The following ZFHX3 variants were observed in gnomAD, a reference collection of about 807,000 sequenced individuals.
The protein encoded by ZFHX3 is zinc finger homeobox 3.
In ZFHX3, 42 loss-of-function variants were observed where a neutral mutation model predicts 279.1. That is an observed-to-expected ratio of 0.15 (90% CI 0.12 to 0.19). The LOEUF (loss-of-function observed/expected upper bound fraction) is 0.19, where lower values mean the gene tolerates loss of function less well. Among genes scored for constraint, ZFHX3 ranks in the 10% least tolerant of loss-of-function variants. The probability of loss-of-function intolerance (pLI) is 1.00; values close to 1 mark genes in which losing one functional copy is unlikely to be tolerated. For synonymous variants in ZFHX3, 2,293 were observed against 1,957.8 expected (o/e 1.17, Z -4.52); for missense variants, 4,981 against 4,754.0 (o/e 1.05, Z -1.40).
intron 3 of ZFHX3, among the ~76,000 whole-genome samples, chr16:73,361,600 A>T (rs2016434744): frequency 6.6e-6 from 1 of 152,120 alleles, no homozygotes; most frequent in Admixed American, 6.5e-5. Context: ...CTTCATTTTT[A>T]AAAAATAGAA....
At chr16:73,792,906 A>C (rs1959873771) in intron 1 of ZFHX3, among the ~76,000 whole-genome samples, 1 of 148,294 alleles carries the variant, frequency 6.7e-6, no homozygotes, top group African/African-American at 2.5e-5. Context: ...AGATGTAGCA[A>C]CTTCTGTATG....
At chr16:73,443,254 T>C (rs1028085801) in intron 3 of ZFHX3, among the ~76,000 whole-genome samples, 5 of 152,178 alleles carry the variant, frequency 3.3e-5, no homozygotes, top group Admixed American at 6.5e-5. Context: ...GTTTATGACA[T>C]ACTTGTAAAG....
At chr16:72,928,001 G>A (rs139778375) in intron 3 of ZFHX3, among the ~76,000 whole-genome samples, 334 of 148,352 alleles carry the variant, frequency 2.3e-3, no homozygotes, top group African/African-American at 7.4e-3. Context: ...GCTGGGATGC[G>A]CCAGAGGCCT....
chr16:73,780,832 G>A (rs1393469556), intron 1 of ZFHX3, among the ~76,000 whole-genome samples: 3 of 152,180 alleles, frequency 2.0e-5, no homozygotes, highest in Non-Finnish European at 4.4e-5. Flanking sequence ...GTGGATATAT[G>A]TGCAGAGTGC....
At chr16:73,532,293 T>G (rs2143730182) in intron 2 of ZFHX3, among the ~76,000 whole-genome samples, 1 of 152,096 alleles carries the variant, frequency 6.6e-6, no homozygotes, top group African/African-American at 2.4e-5. Flanking sequence ...GACCTGATGG[T>G]TTTATATGGG....
At chr16:72,981,469 T>C (rs1470154108) in intron 1 of ZFHX3, among the ~76,000 whole-genome samples, 2 of 152,252 alleles carry the variant, frequency 1.3e-5, no homozygotes, top group African/African-American at 4.8e-5. Context: ...AAAATATTTT[T>C]AACACTTTCA....
intron 3 of ZFHX3, among the ~76,000 whole-genome samples, chr16:73,435,493 A>AG (rs1223592629): frequency 6.6e-6 from 1 of 152,138 alleles, no homozygotes; most frequent in Non-Finnish European, 1.5e-5. Context: ...TACAGGTGTG[A>AG]GCCACAGCGC....
chr16:72,850,457 G>T (rs2037588204), intron 4 of ZFHX3, among the ~76,000 whole-genome samples: 1 of 152,248 alleles, frequency 6.6e-6, no homozygotes, highest in African/African-American at 2.4e-5. Context: ...CATTTCAACA[G>T]CACTTATATC....
intron 2 of ZFHX3, among the ~76,000 whole-genome samples, chr16:73,535,729 T>TTC (rs2019889193): frequency 6.6e-6 from 1 of 150,968 alleles, no homozygotes; most frequent in African/African-American, 2.4e-5. Flanking sequence ...TATCTTTTTT[T>TTC]TTTTTTTTTC....
intron 3 of ZFHX3, among the ~76,000 whole-genome samples, chr16:73,327,987 C>A (rs1486687966): frequency 2.0e-5 from 3 of 152,176 alleles, no homozygotes; most frequent in Non-Finnish European, 4.4e-5. Context: ...GGTCATCAAC[C>A]TTTTCAGCTC....
intron 1 of ZFHX3, among the ~76,000 whole-genome samples, chr16:73,726,043 C>T (rs1224415495): frequency 6.6e-6 from 1 of 152,174 alleles, no homozygotes; most frequent in Non-Finnish European, 1.5e-5. Flanking sequence ...GTGACAGGAC[C>T]AACCTTGGGG....
chr16:73,339,037 A>G (rs2015977962), intron 3 of ZFHX3, among the ~76,000 whole-genome samples: 1 of 152,204 alleles, frequency 6.6e-6, no homozygotes, highest in Non-Finnish European at 1.5e-5. Context: ...TCCCAGTGCT[A>G]TGCTTCATGT....
chr16:72,938,765 G>A (rs758971575), intron 3 of ZFHX3, among the ~76,000 whole-genome samples: 2 of 152,194 alleles, frequency 1.3e-5, no homozygotes, highest in Admixed American at 6.5e-5. Context: ...ACAAAGAGAC[G>A]GGACAGAGGT....
chr16:73,485,650 G>T (rs1460685516), intron 2 of ZFHX3, among the ~76,000 whole-genome samples: 2 of 152,090 alleles, frequency 1.3e-5, no homozygotes, highest in East Asian at 3.9e-4. Flanking sequence ...TTCTGTGTGT[G>T]TTGAACCCAG....
At chr16:73,865,606 T>C (rs534319146) in intron 1 of ZFHX3, among the ~76,000 whole-genome samples, 102 of 152,316 alleles carry the variant, frequency 6.7e-4, no homozygotes, top group African/African-American at 2.4e-3. Context: ...TTCTGGGCCA[T>C]TGGCACCATG....
chr16:73,443,087 GT>G (rs1202671191), intron 3 of ZFHX3, among the ~76,000 whole-genome samples: 1 of 152,142 alleles, frequency 6.6e-6, no homozygotes, highest in African/African-American at 2.4e-5. Flanking sequence ...ATGTTCTGAG[GT>G]ATGGGGATTA....
In ZFHX3 at chr16:73,162,691, G is replaced by A. The variant is rs143185250; in HGVS notation, c.-1103-18860C>T. Among the ~76,000 whole-genome samples, 331 of 152,216 alleles carry A rather than the reference G, an allele frequency of 2.2e-3. 1 individual carries two copies. Among genetic ancestry groups the A allele is most frequent in the African/African-American group, 6.2e-3 (259 of 41,528 alleles). On this transcript the variant is annotated intron_variant, in intron 5 of 17. Transcript: ENST00000641206. ...TTGCCCAGGCTGGTCTTGAACTCCT[G>A]GGCTCAAGCAATCTGCCCACCGTGG... is the stretch of plus-strand genomic sequence containing the variant.
chr16:73,393,765 C>G (rs1381567505), intron 3 of ZFHX3, among the ~76,000 whole-genome samples: 2 of 151,890 alleles, frequency 1.3e-5, no homozygotes, highest in Non-Finnish European at 2.9e-5. Context: ...GGTAAAAGCA[C>G]TGTTTCAAAA....
At chr16:72,847,605 T>C (rs1052970494) in intron 4 of ZFHX3, among the ~76,000 whole-genome samples, 2 of 151,960 alleles carry the variant, frequency 1.3e-5, no homozygotes, top group Non-Finnish European at 2.9e-5. Flanking sequence ...AGGGGATGGA[T>C]GGAGGCCAGG....
Sources: allele counts gnomAD v4.1 joint callset (sites outside exome capture counted in the v4.1 genomes callset), GRCh38; gene constraint gnomAD v4.1.1; transcripts MANE v1.5; gene names NCBI Gene and HGNC (gene_info 2026-07-23, HGNC 2026-07-21).